The following PCDHA10 variants were observed in gnomAD, a reference collection of about 807,000 sequenced individuals.
PCDHA10 encodes the protein protocadherin alpha-10.
A neutral mutation model predicts 61.2 loss-of-function variants in PCDHA10; 45 were observed. That is an observed-to-expected ratio of 0.74 (90% confidence interval 0.58 to 0.94). The LOEUF is 0.94. Among genes scored for constraint, PCDHA10 ranks in the 40% least tolerant of loss-of-function variants. The pLI, the probability that PCDHA10 is intolerant of heterozygous loss-of-function variation, is 0.00. For missense variants in PCDHA10, 1,278 were observed against 1,236.2 expected, an observed-to-expected ratio of 1.03 and a Z score of -0.51; for synonymous variants, 602 against 548.8, an observed-to-expected ratio of 1.10 and a Z score of -1.35.
intron 1 of PCDHA10, among the ~76,000 whole-genome samples, chr5:140,963,630 C>T (rs1370293911): frequency 3.3e-5 from 5 of 152,140 alleles, no homozygotes; most frequent in African/African-American, 1.2e-4. Flanking sequence ...TTGTTGCATA[C>T]GCATCTTCCC....
At chr5:140,985,739 C>CA (rs781951589) in intron 3 of PCDHA10, among the ~76,000 whole-genome samples, 2 of 117,920 alleles carry the variant, frequency 1.7e-5, no homozygotes, top group Non-Finnish European at 3.4e-5. Flanking sequence ...TGATGAATTC[C>CA]TTTTTTTTTT....
At chr5:140,926,854 G>C (rs1554203742) in intron 1 of PCDHA10, 3 of 1,520,530 alleles carry the variant, frequency 2.0e-6, no homozygotes, top group South Asian at 2.6e-5. Flanking sequence ...GTCACCGTTG[G>C]TGTAGCGTGT....
intron 1 of PCDHA10, chr5:140,875,508 G>GC: frequency 6.2e-7 from 1 of 1,613,706 alleles, no homozygotes; most frequent in South Asian, 1.1e-5. Flanking sequence ...CGGGATCCCA[G>GC]CGTCTGCTGC....
At chr5:140,971,181 C>T (rs1364149664) in intron 1 of PCDHA10, among the ~76,000 whole-genome samples, 1 of 152,104 alleles carries the variant, frequency 6.6e-6, no homozygotes, top group Non-Finnish European at 1.5e-5. Context: ...AGCTGTAAGC[C>T]GGAAGCTCAG....
At chr5:140,975,154 G>C (rs73268051) in intron 1 of PCDHA10, among the ~76,000 whole-genome samples, 1,571 of 152,266 alleles carry the variant, frequency 0.01, 23 homozygotes, top group African/African-American at 0.036. Flanking sequence ...TCAGTTCCTA[G>C]AGAACTGAGG....
chr5:140,925,640 G>GAA (rs1554202829), intron 1 of PCDHA10, among the ~76,000 whole-genome samples: 1 of 75,086 alleles, frequency 1.3e-5, no homozygotes, highest in Non-Finnish European at 2.8e-5. Context: ...AGAACTTAAA[G>GAA]TATAATAATA....
At chr5:140,987,439 A>G (rs1407783928) in intron 3 of PCDHA10, among the ~76,000 whole-genome samples, 18 of 152,154 alleles carry the variant, frequency 1.2e-4, no homozygotes, top group African/African-American at 3.9e-4. Flanking sequence ...GCCTTTCCCC[A>G]TGCCCGAGAG....
At chr5:140,926,438 G>A (rs2083248814) in intron 1 of PCDHA10, 1 of 154,646 alleles carries the variant, frequency 6.5e-6, no homozygotes, top group African/African-American at 2.4e-5. Flanking sequence ...TTAAGATCTG[G>A]GCAGCCTCAG....
intron 1 of PCDHA10, chr5:140,876,601 C>G: frequency 6.2e-7 from 1 of 1,614,152 alleles, no homozygotes; most frequent in Non-Finnish European, 8.5e-7. Context: ...CGTGTCGGAT[C>G]GTGACTCTGG....
At chr5:141,003,832 G>C (rs1261830894) in intron 3 of PCDHA10, among the ~76,000 whole-genome samples, 1 of 152,102 alleles carries the variant, frequency 6.6e-6, no homozygotes, top group Non-Finnish European at 1.5e-5. Flanking sequence ...TCTGCCTAAC[G>C]ATTCAGACCC....
intron 1 of PCDHA10, chr5:140,876,474 C>T: frequency 6.2e-7 from 1 of 1,614,014 alleles, no homozygotes; most frequent in Non-Finnish European, 8.5e-7. Flanking sequence ...CAGGTCACAG[C>T]ATGGTCCTGG....
intron 1 of PCDHA10, among the ~76,000 whole-genome samples, chr5:140,920,771 G>A (rs1256445366): frequency 6.6e-6 from 1 of 151,698 alleles, no homozygotes; most frequent in African/African-American, 2.4e-5. Context: ...TTACACCTGG[G>A]AGGTGGAGGT....
At chr5:140,877,280 A>G (rs782014601) in intron 1 of PCDHA10, 14 of 1,613,734 alleles carry the variant, frequency 8.7e-6, no homozygotes, top group Non-Finnish European at 1.2e-5. Context: ...GACTCCGGCT[A>G]TAACGCTTGG....
chr5:140,876,411 T>C (rs782457800), intron 1 of PCDHA10: 1 of 1,613,974 alleles, frequency 6.2e-7, no homozygotes, highest in South Asian at 1.1e-5. Flanking sequence ...TTGAAGAGAA[T>C]AATGCCTATG....
rs781870271 is a variant in PCDHA10, at chr5:140,968,199, T to C, written c.2389-10750T>C. The C allele has an allele frequency of 4.3e-6, 7 of 1,613,986 alleles. No homozygotes were observed. The South Asian group carries it at 7.7e-5, about 18-fold the overall frequency. The stretch of plus-strand genomic sequence containing the variant: ...CTGGAGGACTCCTATTCCATCTACA[T>C]ACAGGAGAACAATTTGCCAGGTGTG... On this transcript the variant is annotated intron_variant, in intron 1 of 3. Transcript: ENST00000307360.
At chr5:140,954,361 C>T (rs782543125) in intron 1 of PCDHA10, among the ~76,000 whole-genome samples, 18 of 152,220 alleles carry the variant, frequency 1.2e-4, no homozygotes, top group Non-Finnish European at 2.2e-4. Context: ...AATCGCCACA[C>T]AGTCTCCCAC....
At chr5:140,919,417 T>C (rs782439186) in intron 1 of PCDHA10, among the ~76,000 whole-genome samples, 16 of 152,226 alleles carry the variant, frequency 1.1e-4, no homozygotes, top group Admixed American at 5.2e-4. Context: ...AGACTGACAA[T>C]TCTGCCTTTT....
At chr5:140,921,943 T>C (rs2080514176) in intron 1 of PCDHA10, among the ~76,000 whole-genome samples, 1 of 151,972 alleles carries the variant, frequency 6.6e-6, no homozygotes, top group South Asian at 2.1e-4. Context: ...AATTTTACAC[T>C]TGTAAAATCC....
intron 1 of PCDHA10, chr5:140,877,946 C>A: frequency 7.4e-7 from 1 of 1,349,556 alleles, no homozygotes; most frequent in Non-Finnish European, 9.7e-7. Flanking sequence ...TTTAAACTAT[C>A]GAATGTCTCA....
Sources: allele counts gnomAD v4.1 joint callset (sites outside exome capture counted in the v4.1 genomes callset), GRCh38; gene constraint gnomAD v4.1.1; transcripts MANE v1.5; gene names NCBI Gene and HGNC (gene_info 2026-07-23, HGNC 2026-07-21).